Variants in CFAP69 observed in about 807,000 individuals in gnomAD.
CFAP69 encodes the protein cilia and flagella associated protein 69, also known as cilia- and flagella-associated protein 69.
In CFAP69, 92 loss-of-function variants were observed where a neutral mutation model predicts 123.0. That is an observed-to-expected ratio of 0.75 (90% CI 0.63 to 0.89). The LOEUF is 0.89. Among genes scored for constraint, CFAP69 ranks in the 40% least tolerant of loss-of-function variants. The pLI is 0.00. For synonymous variants in CFAP69, 380 were observed against 364.3 expected (o/e 1.04, Z -0.49); for missense variants, 1,067 against 1,096.9 (o/e 0.97, Z 0.39).
chr7:90,291,465 T>G (rs1339330854), intron 15 of CFAP69, among the ~76,000 whole-genome samples: 2 of 152,174 alleles, frequency 1.3e-5, no homozygotes, highest in African/African-American at 2.4e-5. Context: ...CTGTATCTTT[T>G]GCGACCTCCT....
At chr7:90,274,295 G>T (rs1800417420) in intron 9 of CFAP69, among the ~76,000 whole-genome samples, 185 bp downstream of exon 9, 1 of 152,024 alleles carries the variant, frequency 6.6e-6, no homozygotes, top group Non-Finnish European at 1.5e-5. Flanking sequence ...TTGGAAATTT[G>T]GAATCTTCCT....
At chr7:90,303,915 T>G in intron 17 of CFAP69, 54 bp from the exon 18 acceptor site, 3 of 1,471,082 alleles carry the variant, frequency 2.0e-6, no homozygotes, top group Non-Finnish European at 2.7e-6. Context: ...TAAGTATTTG[T>G]TTACTATGGT....
At chr7:90,254,994 G>A (rs1797467922) in intron 1 of CFAP69, among the ~76,000 whole-genome samples, 1 of 152,128 alleles carries the variant, frequency 6.6e-6, no homozygotes, top group South Asian at 2.1e-4. Flanking sequence ...TGGATGACTG[G>A]AAGAATGCTG....
At chr7:90,322,528 T>G in the CFAP69 span, 1 of 152,204 alleles carries the variant, frequency 6.6e-6, no homozygotes, top group Non-Finnish European at 1.5e-5. Flanking sequence ...AAGCAACCCC[T>G]TCCATCTTTG....
At chr7:90,318,273 A>G in the CFAP69 span, 1 of 152,234 alleles carries the variant, frequency 6.6e-6, no homozygotes, top group Non-Finnish European at 1.5e-5. Context: ...GTGAGATATA[A>G]ATAGGCAATA....
At position 90,306,954 on chromosome 7, in the gene CFAP69, A is replaced by T. The variant is rs760344556; in HGVS notation, c.2319A>T (p.Arg773Ser). The T allele has an allele frequency of 2.5e-6, 4 of 1,575,816 alleles. No individual in the cohort carries two copies. The highest frequency in any genetic ancestry group is 1.7e-5 in the Admixed American group (1 of 58,128). Residue 773 changes from arginine (R) to serine (S), a missense_variant, in exon 20 of 23, where the codon AGA (arginine) becomes AGT (serine). Physicochemically the swap from Arg to Ser is moderately radical, Grantham distance 110. Coordinates refer to ENST00000389297, the MANE Select transcript of CFAP69 (RefSeq NM_001039706.3). The part of the protein sequence containing the change: ...IYEEIKLEKL[R>S]PVTTDKKALE... ...AAGAAATAAAATTAGAAAAATTAAGACCAGTCACTACAGATAAAAAAGCTT... is the reference window on the plus strand; with the variant it reads ...AAGAAATAAAATTAGAAAAATTAAGTCCAGTCACTACAGATAAAAAAGCTT...
chr7:90,308,673 A>G (rs1016489857), intron 21 of CFAP69, among the ~76,000 whole-genome samples: 2 of 152,136 alleles, frequency 1.3e-5, no homozygotes, highest in Non-Finnish European at 2.9e-5. Flanking sequence ...GTTCTTCCCA[A>G]TTCTACTTAT....
intron 14 of CFAP69, 185 bp downstream of exon 14, chr7:90,286,584 C>T (rs1790318369): frequency 2.0e-6 from 1 of 493,930 alleles, no homozygotes; most frequent in South Asian, 3.5e-5. Context: ...TTAACTCATA[C>T]CCCCAATTAA....
At chr7:90,268,492 T>A in intron 6 of CFAP69, 108 bp downstream of exon 6, 1 of 771,936 alleles carries the variant, frequency 1.3e-6, no homozygotes, top group Non-Finnish European at 2.0e-6. Flanking sequence ...ATGTAACACA[T>A]TAAAAAGAAA....
At chr7:90,319,081 C>A in the CFAP69 span, 1 of 288,358 alleles carries the variant, frequency 3.5e-6, no homozygotes, top group Non-Finnish European at 6.3e-6. Context: ...AAATGGCTTT[C>A]TTATGAACTA....
intron 21 of CFAP69, among the ~76,000 whole-genome samples, chr7:90,308,631 A>G (rs906911229): frequency 6.6e-6 from 1 of 152,176 alleles, no homozygotes; most frequent in Non-Finnish European, 1.5e-5. Context: ...AAGCTCACTC[A>G]AGGTACCAAG....
At chr7:90,275,054 A>C (rs1449447501) in intron 9 of CFAP69, among the ~76,000 whole-genome samples, 1 of 152,132 alleles carries the variant, frequency 6.6e-6, no homozygotes, top group African/African-American at 2.4e-5. Flanking sequence ...AATTTGTATT[A>C]GTCTATATAT....
intron 4 of CFAP69, among the ~76,000 whole-genome samples, chr7:90,263,776 ACTT>A (rs1341338079): frequency 2.0e-5 from 3 of 151,960 alleles, no homozygotes; most frequent in Admixed American, 6.6e-5. Flanking sequence ...ATTTTCAACT[ACTT>A]CTTTAATTTT....
chr7:90,280,885 G>C (rs187589015), intron 12 of CFAP69, among the ~76,000 whole-genome samples: 349 of 152,224 alleles, frequency 2.3e-3, no homozygotes, highest in African/African-American at 7.9e-3. Flanking sequence ...AAAATGATAG[G>C]CTTTTTATTC....
In CFAP69 at chr7:90,308,477, A is replaced by T. The variant is rs374945067; in HGVS notation, c.2550+623A>T. ...CATTAATATCTTGGATACACTTTTTAAAAAATCTCTCCTTCATTTCTGATA... is the reference window on the plus strand; with the variant it reads ...CATTAATATCTTGGATACACTTTTTTAAAAATCTCTCCTTCATTTCTGATA... On this transcript the variant is annotated intron_variant, in intron 21 of 22. Transcript: ENST00000389297. Among the ~76,000 whole-genome samples, 360 of 152,272 alleles carry T rather than the reference A, an allele frequency of 2.4e-3. 2 individuals carry two copies. The highest frequency in any genetic ancestry group is 8.1e-3 in the African/African-American group (335 of 41,582).
At chr7:90,272,218 TAGA>T (rs1396982538) in intron 8 of CFAP69, 6 of 297,564 alleles carry the variant, frequency 2.0e-5, no homozygotes, top group Non-Finnish European at 3.7e-5. Context: ...AATTAGACTT[TAGA>T]AGAACTATTT....
At chr7:90,269,810 AG>A (rs1299121113) in intron 6 of CFAP69, among the ~76,000 whole-genome samples, 2 of 152,110 alleles carry the variant, frequency 1.3e-5, no homozygotes, top group East Asian at 3.8e-4. Context: ...AGTCAGAGAA[AG>A]GTTATTTGGG....
intron 13 of CFAP69, among the ~76,000 whole-genome samples, chr7:90,284,247 C>A (rs1789922499): frequency 6.6e-6 from 1 of 151,780 alleles, no homozygotes; most frequent in Admixed American, 6.6e-5. Flanking sequence ...CTTATTGAGT[C>A]TAACATGGCT....
intron 8 of CFAP69, among the ~76,000 whole-genome samples, chr7:90,273,450 A>C (rs1800245176): frequency 6.6e-6 from 1 of 152,188 alleles, no homozygotes; most frequent in African/African-American, 2.4e-5. Context: ...TTTGACCACC[A>C]TGTGTAATAG....
Sources: gnomAD v4.1 joint callset for allele counts (sites outside exome capture counted in the v4.1 genomes callset) on GRCh38, gnomAD v4.1.1 for gene constraint, MANE v1.5 for transcripts, NCBI Gene and HGNC (gene_info 2026-07-23, HGNC 2026-07-21) for gene names.